CASQ2: variants seen among roughly 807,000 people sequenced by gnomAD.
The protein encoded by CASQ2 is calsequestrin-2.
A neutral mutation model predicts 46.5 loss-of-function variants in CASQ2; 49 were observed. The observed-to-expected ratio is 1.05, with a 90% CI of 0.84 to 1.34. The LOEUF is 1.34. CASQ2 is among the 40% of genes most tolerant of loss of function. CASQ2 has a pLI of 0.00. For synonymous variants in CASQ2, 174 were observed against 168.5 expected (o/e 1.03, Z -0.25); for missense variants, 486 against 481.3 (o/e 1.01, Z -0.09).
At chr1:115,756,267 T>C (rs1477279623) in intron 1 of CASQ2, among the ~76,000 whole-genome samples, 1 of 152,202 alleles carries the variant, frequency 6.6e-6, no homozygotes. Flanking sequence ...CATTGCAAGA[T>C]GCCTTACTGG....
At position 115,720,692 on chromosome 1, in the gene CASQ2, C is replaced by T. The variant is rs74728715; in HGVS notation, c.784-2798G>A. On this transcript the variant is annotated intron_variant, in intron 7 of 10. Coordinates refer to ENST00000261448, the MANE Select transcript of CASQ2 (RefSeq NM_001232.4). ...GATTTGGGAATAACGTCAGTGAATC[C>T]CTTCCTTTGGATACCCCAGCACTTT... is the stretch of plus-strand genomic sequence containing the variant. 3.5e-3 allele frequency among the ~76,000 whole-genome samples: 540 copies of T among 152,244 alleles called. 4 individuals are homozygous for T. The highest frequency in any genetic ancestry group is 5.7e-3 in the Non-Finnish European group (391 of 68,016).
chr1:115,726,938 C>T (rs1411230619), intron 6 of CASQ2, 54 bp downstream of exon 6: 2 of 1,393,184 alleles, frequency 1.4e-6, no homozygotes, highest in African/African-American at 1.4e-5. Flanking sequence ...CAGAGAGGCT[C>T]CTCTCCATTC....
intron 3 of CASQ2, among the ~76,000 whole-genome samples, chr1:115,740,096 C>T (rs74114606): frequency 0.015 from 2,299 of 152,258 alleles, 70 homozygotes; most frequent in African/African-American, 0.052. Context: ...AAAGAATCAT[C>T]GGCATGGATG....
chr1:115,736,340 A>T (rs1647958440), intron 4 of CASQ2, among the ~76,000 whole-genome samples: 3 of 152,006 alleles, frequency 2.0e-5, no homozygotes, highest in South Asian at 2.1e-4. Flanking sequence ...CCTAATATCA[A>T]AAAGCTATAT....
In CASQ2 at chr1:115,701,192, G is replaced by A; in HGVS notation, c.*49C>T. 2 of 1,612,878 alleles carry A rather than the reference G, an allele frequency of 1.2e-6. No individual in the cohort carries two copies. Among genetic ancestry groups the A allele is most frequent in the Non-Finnish European group, 1.7e-6 (2 of 1,179,998 alleles). ...TGCTGCCACCTTGTGCTGTCTGTAT[G>A]GTAGTGGGTGCTGTGATTTTGTTTT... On this transcript the variant is annotated 3_prime_UTR_variant, in exon 11 of 11. Coordinates refer to ENST00000261448, the MANE Select transcript of CASQ2 (RefSeq NM_001232.4).
At chr1:115,749,189 T>A (rs1024602163) in intron 1 of CASQ2, among the ~76,000 whole-genome samples, 1 of 152,138 alleles carries the variant, frequency 6.6e-6, no homozygotes, top group Non-Finnish European at 1.5e-5. Flanking sequence ...GAATAACCAA[T>A]GACATAAAAT....
At chr1:115,761,482 A>AAGG (rs1557806801) in intron 1 of CASQ2, among the ~76,000 whole-genome samples, 12 of 18,632 alleles carry the variant, frequency 6.4e-4, no homozygotes, top group South Asian at 2.3e-3. Context: ...GAAGAAGAAG[A>AAGG]AGAAGGAGAA....
In CASQ2 at chr1:115,768,556, G is replaced by C; in HGVS notation, c.-15C>G. The C allele has an allele frequency of 6.4e-7, 1 of 1,550,936 alleles. No homozygotes were observed. The highest frequency in any genetic ancestry group is 8.9e-7 in the Non-Finnish European group (1 of 1,123,150). ...GTTCTCTTCATTTGGGAAAACTTTT[G>C]TTTCTCGTTCCCAAATATGCTGTGT... On this transcript the variant is annotated 5_prime_UTR_variant, in exon 1 of 11. Transcript: ENST00000261448.
intron 1 of CASQ2, among the ~76,000 whole-genome samples, chr1:115,761,868 G>T (rs145685263): frequency 1.3e-5 from 2 of 152,266 alleles, no homozygotes; most frequent in African/African-American, 4.8e-5. Context: ...AATATTATTG[G>T]AAAGTAACCT....
At chr1:115,761,492 A>G (rs371360531) in intron 1 of CASQ2, among the ~76,000 whole-genome samples, 1 of 41,246 alleles carries the variant, frequency 2.4e-5, no homozygotes, top group Non-Finnish European at 5.1e-5. Context: ...AAGAAGGAGA[A>G]GAAGGAGAAG....
chr1:115,754,406 C>T (rs899154158), intron 1 of CASQ2, among the ~76,000 whole-genome samples: 3 of 152,116 alleles, frequency 2.0e-5, no homozygotes, highest in East Asian at 1.9e-4. Flanking sequence ...ATTTTTTCCA[C>T]CCCACAATTC....
At chr1:115,710,536 G>C (rs1654512722) in intron 8 of CASQ2, among the ~76,000 whole-genome samples, 1 of 152,144 alleles carries the variant, frequency 6.6e-6, no homozygotes, top group Non-Finnish European at 1.5e-5. Flanking sequence ...TCAACATCAG[G>C]GAAGCAGGGG....
intron 1 of CASQ2, among the ~76,000 whole-genome samples, chr1:115,753,080 G>A (rs913913495): frequency 6.6e-6 from 1 of 152,226 alleles, no homozygotes; most frequent in Non-Finnish European, 1.5e-5. Context: ...GTGATGGCAG[G>A]AGGGCATGAC....
At chr1:115,753,620 C>CAT (rs1648657371) in intron 1 of CASQ2, among the ~76,000 whole-genome samples, 1 of 152,166 alleles carries the variant, frequency 6.6e-6, no homozygotes, top group Non-Finnish European at 1.5e-5. Flanking sequence ...GCGTGACTGC[C>CAT]GCTGGGGCTC....
chr1:115,761,107 G>C (rs1007957980), intron 1 of CASQ2, among the ~76,000 whole-genome samples: 1 of 151,692 alleles, frequency 6.6e-6, no homozygotes, highest in Non-Finnish European at 1.5e-5. Context: ...CAGGATAGTG[G>C]GTAAATAGAA....
chr1:115,746,161 G>GTTT (rs34688602), intron 1 of CASQ2, among the ~76,000 whole-genome samples: 15 of 149,122 alleles, frequency 1.0e-4, no homozygotes, highest in Admixed American at 8.0e-4. Context: ...TCGATACGCT[G>GTTT]TTTTTTTTTT....
At chr1:115,744,972 C>T (rs1648333476) in intron 1 of CASQ2, 60 bp from the exon 2 acceptor site, 3 of 1,176,486 alleles carry the variant, frequency 2.5e-6, no homozygotes, top group Admixed American at 1.7e-5. Flanking sequence ...GAAAATATTA[C>T]AGGATTACTA....
chr1:115,702,073 T>G (rs990491137), intron 10 of CASQ2, among the ~76,000 whole-genome samples: 7 of 152,018 alleles, frequency 4.6e-5, no homozygotes, highest in African/African-American at 9.7e-5. Context: ...CAGGCACCCA[T>G]GACCATGCCT....
chr1:115,766,589 T>C (rs545376614), intron 1 of CASQ2, among the ~76,000 whole-genome samples: 2 of 152,222 alleles, frequency 1.3e-5, no homozygotes, highest in Non-Finnish European at 2.9e-5. Flanking sequence ...CTGTGCCTAG[T>C]AGAGACAAAG....
Sources: gnomAD v4.1 joint callset for allele counts (sites outside exome capture counted in the v4.1 genomes callset) on GRCh38, gnomAD v4.1.1 for gene constraint, MANE v1.5 for transcripts, NCBI Gene and HGNC (gene_info 2026-07-23, HGNC 2026-07-21) for gene names.